The following ADAMTS3 variants were observed in gnomAD, a reference collection of about 807,000 sequenced individuals.
ADAMTS3 encodes the protein ADAM metallopeptidase with thrombospondin type 1 motif 3.
Under a neutral mutation model 129.0 loss-of-function variants are expected in ADAMTS3, and 73 were observed. The ratio of observed to expected loss-of-function variants is 0.57; its 90% CI spans 0.47 to 0.69. The LOEUF (loss-of-function observed/expected upper bound fraction) is 0.69, where lower values mean the gene tolerates loss of function less well. Among genes scored for constraint, ADAMTS3 ranks in the 30% least tolerant of loss-of-function variants. The pLI is 0.00. For missense variants in ADAMTS3, 1,457 were observed against 1,514.5 expected (o/e 0.96, Z 0.63); for synonymous variants, 477 against 510.8 (o/e 0.93, Z 0.89).
At chr4:72,340,434 G>A (rs2109832739) in intron 4 of ADAMTS3, among the ~76,000 whole-genome samples, 1 of 151,712 alleles carries the variant, frequency 6.6e-6, no homozygotes, top group African/African-American at 2.4e-5. Flanking sequence ...TATATGCAGG[G>A]ATACACAGGA....
rs1718331946 is a variant in ADAMTS3, at chr4:72,281,204, T to C, written c.*1932A>G. 6.6e-6 allele frequency: 1 copy of C among 152,152 alleles called. No individual in the cohort carries two copies. The highest frequency in any genetic ancestry group is 2.4e-5 in the African/African-American group (1 of 41,064). 9.4% of individuals were successfully genotyped at this position (152,152 alleles called of 1,614,324 possible). On this transcript the variant is annotated 3_prime_UTR_variant, in exon 22 of 22. Coordinates refer to ENST00000286657, the MANE Select transcript of ADAMTS3 (RefSeq NM_014243.3). ...TAGAGAGAATTTTATTCTATGGGAA[T>C]TTTTAGGAAAAAAAAAAGACTTAAG...
chr4:72,285,766 A>G (rs1718488497), intron 21 of ADAMTS3, among the ~76,000 whole-genome samples: 1 of 135,046 alleles, frequency 7.4e-6, no homozygotes, highest in African/African-American at 2.8e-5. Flanking sequence ...AAGAGCTTAC[A>G]GGCAAAAAAA....
intron 19 of ADAMTS3, 43 bp from the exon 20 acceptor site, chr4:72,291,105 T>C (rs753976904): frequency 1.9e-6 from 3 of 1,599,034 alleles, no homozygotes; most frequent in Admixed American, 1.7e-5. Context: ...CACTGGTATG[T>C]ATAGTGTACA....
At position 72,298,378 on chromosome 4, in the gene ADAMTS3, G is replaced by T; in HGVS notation, c.2489C>A (p.Ser830Tyr). Residue 830 changes from serine to tyrosine, a missense_variant, in exon 18 of 22, where the codon TCT becomes TAT. By Grantham distance (144) the Ser-to-Tyr change is moderately radical. Transcript: ENST00000286657. ...ATTGTTGCTGTTGATTGTAGGTACA[G>T]AGTCTTCATGGATGATGTACTTATA... is the stretch of plus-strand genomic sequence containing the variant. ...LTYKYIIHED[S>Y]VPTINSNNVI... 7 of 1,612,986 alleles carry T rather than the reference G, an allele frequency of 4.3e-6. No homozygotes were observed. The highest frequency in any genetic ancestry group is 5.9e-6 in the Non-Finnish European group (7 of 1,179,182).
chr4:72,317,254 C>A (rs1719422315), intron 10 of ADAMTS3, among the ~76,000 whole-genome samples: 1 of 151,954 alleles, frequency 6.6e-6, no homozygotes, highest in Admixed American at 6.6e-5. Flanking sequence ...TGTGGAAATT[C>A]CACTTTTCCA....
At chr4:72,298,725 A>G (rs1718873370) in intron 17 of ADAMTS3, among the ~76,000 whole-genome samples, 1 of 151,884 alleles carries the variant, frequency 6.6e-6, no homozygotes, top group Non-Finnish European at 1.5e-5. Flanking sequence ...GGTTCACTGT[A>G]GGTTTCCTTA....
At chr4:72,480,552 G>T (rs4019790) in intron 3 of ADAMTS3, among the ~76,000 whole-genome samples, 128,706 of 149,224 alleles carry the variant, frequency 0.86, 57,191 homozygotes, top group East Asian at 1. Flanking sequence ...TTGTGGGGTC[G>T]GGGGACGGGG....
At chr4:72,377,459 A>G (rs964452965) in intron 4 of ADAMTS3, among the ~76,000 whole-genome samples, 7 of 152,142 alleles carry the variant, frequency 4.6e-5, no homozygotes, top group African/African-American at 1.7e-4. Context: ...TTACAGAATA[A>G]CTCCACTTGA....
chr4:72,505,098 T>A (rs887780774), intron 3 of ADAMTS3, among the ~76,000 whole-genome samples: 11 of 152,172 alleles, frequency 7.2e-5, no homozygotes, highest in South Asian at 4.1e-4. Flanking sequence ...TGCTGGAGAG[T>A]TAGTGAGACC....
chr4:72,450,743 CG>C (rs757736672), intron 3 of ADAMTS3, among the ~76,000 whole-genome samples: 81 of 151,742 alleles, frequency 5.3e-4, no homozygotes, highest in Non-Finnish European at 9.4e-4. Flanking sequence ...CATTTCCAGC[CG>C]GGTGCCTTGT....
intron 3 of ADAMTS3, among the ~76,000 whole-genome samples, chr4:72,434,678 G>T (rs1038072313): frequency 1.3e-5 from 2 of 151,842 alleles, no homozygotes; most frequent in Non-Finnish European, 2.9e-5. Flanking sequence ...CAAAGGAAGG[G>T]GGTTTTGCAG....
chr4:72,429,884 T>C (rs1722656227), intron 3 of ADAMTS3, among the ~76,000 whole-genome samples: 1 of 151,988 alleles, frequency 6.6e-6, no homozygotes, highest in South Asian at 2.1e-4. Flanking sequence ...ACAGTGTTTT[T>C]CAAACTTTAA....
In ADAMTS3 at chr4:72,526,643, T is replaced by C. The variant is rs1052902992; in HGVS notation, c.504+21835A>G. Among the ~76,000 whole-genome samples the C allele has an allele frequency of 3.5e-5, 5 of 142,644 alleles. No homozygotes were observed. In the South Asian group the frequency reaches 6.8e-4, roughly 19 times the overall value. The allele number at this position is 142,644 out of a possible 152,430, so 93.6% of individuals were successfully genotyped here. A position where few individuals can be genotyped will look rare whatever the true frequency, so the allele number is the denominator to read the frequency against. On this transcript the variant is annotated intron_variant, in intron 3 of 21. Transcript: ENST00000286657. The stretch of plus-strand genomic sequence containing the variant: ...GGTTTTTGCTGTGTACACATCAAAA[T>C]ACCCAGAAGGACTTTTATATAACCA...
intron 4 of ADAMTS3, among the ~76,000 whole-genome samples, chr4:72,379,544 T>G (rs1276087568): frequency 2.0e-5 from 3 of 152,034 alleles, no homozygotes; most frequent in African/African-American, 7.2e-5. Flanking sequence ...AAGAAATAAG[T>G]TCAAGTCAAT....
chr4:72,444,652 C>T (rs568091631), intron 3 of ADAMTS3, among the ~76,000 whole-genome samples: 21 of 151,794 alleles, frequency 1.4e-4, no homozygotes, highest in African/African-American at 5.1e-4. Context: ...AAATGTCATA[C>T]TTAAATGCTA....
intron 3 of ADAMTS3, among the ~76,000 whole-genome samples, chr4:72,454,733 C>G (rs1718497456): frequency 2.0e-5 from 3 of 151,606 alleles, no homozygotes. Flanking sequence ...AAGAGAGAAA[C>G]AGTACACAGT....
intron 5 of ADAMTS3, among the ~76,000 whole-genome samples, chr4:72,328,382 C>T (rs754675746): frequency 6.6e-6 from 1 of 152,216 alleles, no homozygotes; most frequent in Non-Finnish European, 1.5e-5. Flanking sequence ...GCTGGCAGGA[C>T]AATCTGACCT....
chr4:72,373,184 G>T (rs114513482), intron 4 of ADAMTS3, among the ~76,000 whole-genome samples: 1 of 152,106 alleles, frequency 6.6e-6, no homozygotes. Context: ...AACTTACACC[G>T]CATATATCAA....
chr4:72,507,113 A>G lies in ADAMTS3; in HGVS notation c.504+41365T>C, dbSNP rs116692372. Among the ~76,000 whole-genome samples, 930 of 152,364 alleles carry G rather than the reference A, an allele frequency of 6.1e-3. 6 individuals are homozygous for G. The highest frequency in any genetic ancestry group is 7.8e-3 in the Non-Finnish European group (530 of 68,040). On this transcript the variant is annotated intron_variant, in intron 3 of 21. Transcript: ENST00000286657. Reference sequence around the variant, plus strand: ...AAAATATGTATGTGTGAATGTGTATATCTGCATATATAAGTGTGTATAAAT... The same window carrying G: ...AAAATATGTATGTGTGAATGTGTATGTCTGCATATATAAGTGTGTATAAAT...
Sources: gnomAD v4.1 joint callset for allele counts (sites outside exome capture counted in the v4.1 genomes callset) on GRCh38, gnomAD v4.1.1 for gene constraint, MANE v1.5 for transcripts, NCBI Gene and HGNC (gene_info 2026-07-23, HGNC 2026-07-21) for gene names.